CFAP97D2: variants seen among roughly 807,000 people sequenced by gnomAD.
CFAP97D2 encodes uncharacterized protein CFAP97D2.
chr13:114,182,613 T>C (rs7317060), intron 1 of CFAP97D2, among the ~76,000 whole-genome samples: 96,222 of 150,874 alleles, frequency 0.64, 31,949 homozygotes, highest in African/African-American at 0.85. Context: ...TGCGGCTTTC[T>C]GCAGTGCATT....
rs1245922454 is a variant in CFAP97D2 at position 114,207,507 on chromosome 13, C to G, written c.291-4405C>G. Among the ~76,000 whole-genome samples, 1 of 152,106 alleles carries G rather than the reference C, an allele frequency of 6.6e-6. No individual in the cohort carries two copies. The highest frequency in any genetic ancestry group is 2.4e-5 in the African/African-American group (1 of 41,404). On this transcript the variant is annotated intron_variant, in intron 3 of 4. Transcript: ENST00000646158. The surrounding 1 kb of genome is among the most constrained non-coding windows in gnomAD (Gnocchi z 4.9). The stretch of plus-strand genomic sequence containing the variant: ...CATAAGGAACACGCAGCTTAGATCT[C>G]TCGAACGTGCAGTTCACAATAGGGT...
chr13:114,182,187 C>CTA (rs1215511149), intron 1 of CFAP97D2, among the ~76,000 whole-genome samples: 4 of 141,888 alleles, frequency 2.8e-5, no homozygotes, highest in African/African-American at 1.1e-4. Flanking sequence ...GCAAAAGAGT[C>CTA]TATGTCGTAA....
At chr13:114,216,342 C>G (rs2080993087) in intron 4 of CFAP97D2, among the ~76,000 whole-genome samples, 1 of 152,062 alleles carries the variant, frequency 6.6e-6, no homozygotes, top group South Asian at 2.1e-4. Flanking sequence ...GTACAATGTG[C>G]AGGTTTGTTA....
In CFAP97D2 at chr13:114,207,009, C is replaced by G. The variant is rs879067441; in HGVS notation, c.291-4903C>G. On this transcript the variant is annotated intron_variant, in intron 3 of 4. Coordinates refer to ENST00000646158, the Ensembl canonical transcript of CFAP97D2. The surrounding 1 kb of genome is among the most constrained non-coding windows in gnomAD (Gnocchi z 4.9). Reference sequence around the variant, plus strand: ...TTGAAATGCCAACAAAAAGGGACCCCTCCCAGACCCAGTGCAATTCCTGAG... The same window carrying G: ...TTGAAATGCCAACAAAAAGGGACCCGTCCCAGACCCAGTGCAATTCCTGAG... 1.3e-5 allele frequency among the ~76,000 whole-genome samples: 2 copies of G among 152,198 alleles called. No individual in the cohort carries two copies. The highest frequency in any genetic ancestry group is 4.8e-5 in the African/African-American group (2 of 41,442).
At chr13:114,197,554 C>T (rs1416761779) in intron 2 of CFAP97D2, among the ~76,000 whole-genome samples, 2 of 152,176 alleles carry the variant, frequency 1.3e-5, no homozygotes, top group Non-Finnish European at 2.9e-5. Flanking sequence ...TTGTGGTTTA[C>T]ATGACCCATC....
At chr13:114,198,056 C>T (rs1249105248) in intron 2 of CFAP97D2, among the ~76,000 whole-genome samples, 1 of 152,220 alleles carries the variant, frequency 6.6e-6, no homozygotes, top group South Asian at 2.1e-4. Context: ...GGCACGATCT[C>T]GGCTCACTGC....
rs530687158 is a variant in CFAP97D2 at position 114,186,952 on chromosome 13, C to T, written c.90+7532C>T. Among the ~76,000 whole-genome samples the T allele has an allele frequency of 6.6e-6, 1 of 152,322 alleles. No individual in the cohort carries two copies. Among genetic ancestry groups the T allele is most frequent in the South Asian group, 2.1e-4 (1 of 4,826 alleles). On this transcript the variant is annotated intron_variant, in intron 1 of 4. Transcript: ENST00000646158. The surrounding 1 kb of genome is among the most constrained non-coding windows in gnomAD (Gnocchi z 4.3). Reference sequence around the variant, plus strand: ...CCCAGTGGGCCCGAGCAAAATTCGGCAAAGGTGCCACCAGCCACAGAGGTT... The same window carrying T: ...CCCAGTGGGCCCGAGCAAAATTCGGTAAAGGTGCCACCAGCCACAGAGGTT...
rs891331593 is a variant in CFAP97D2, at chr13:114,222,339, A to G, written c.481-159A>G. On this transcript the variant is annotated intron_variant, in intron 4 of 4. Transcript: ENST00000646158. The surrounding 1 kb of genome is among the most constrained non-coding windows in gnomAD (Gnocchi z 4.4). Reference sequence around the variant, plus strand: ...TAAAATATACACTATAAAGGGGTATAGAATTGTATCTAAATAAAGCTGTTA... The same window carrying G: ...TAAAATATACACTATAAAGGGGTATGGAATTGTATCTAAATAAAGCTGTTA... Among the ~76,000 whole-genome samples, 13 of 152,386 alleles carry G rather than the reference A, an allele frequency of 8.5e-5. 1 individual carries two copies. Among genetic ancestry groups the G allele is most frequent in the African/African-American group, 3.1e-4 (13 of 41,594 alleles).
Position 114,201,767 on chromosome 13 carries a change from G to A in CFAP97D2, c.290+1324G>A, listed in dbSNP as rs2080919027. ...CTTCTGGAGCACTGCAGACCAGTTG[G>A]TTGATGGAATAAACATATCTAGCTA... On this transcript the variant is annotated intron_variant, in intron 3 of 4. Transcript: ENST00000646158. Among the ~76,000 whole-genome samples, 5 of 152,318 alleles carry A rather than the reference G, an allele frequency of 3.3e-5. No homozygotes were observed. The South Asian group carries it at 6.2e-4, about 19-fold the overall frequency.
chr13:114,220,228 C>A (rs1018520414), intron 4 of CFAP97D2, among the ~76,000 whole-genome samples: 2 of 152,062 alleles, frequency 1.3e-5, no homozygotes, highest in East Asian at 1.9e-4. Flanking sequence ...AGCTGCCAGA[C>A]CTTTGGGATC....
At chr13:114,195,548 G>A (rs533439306) in intron 1 of CFAP97D2, among the ~76,000 whole-genome samples, 2 of 152,326 alleles carry the variant, frequency 1.3e-5, no homozygotes, top group African/African-American at 4.8e-5. Context: ...ATAAAGGAAT[G>A]TCTAGAATAT....
In CFAP97D2 at chr13:114,186,049, C is replaced by T. The variant is rs1291863875; in HGVS notation, c.90+6629C>T. Among the ~76,000 whole-genome samples, 3 of 152,220 alleles carry T rather than the reference C, an allele frequency of 2.0e-5. No individual in the cohort carries two copies. The highest frequency in any genetic ancestry group is 6.5e-5 in the Admixed American group (1 of 15,294). Reference sequence around the variant, plus strand: ...CCATGGCCACCCATGGACCAATCAGCATGCACTTCCTCCACACTGAGGCCC... The same window carrying T: ...CCATGGCCACCCATGGACCAATCAGTATGCACTTCCTCCACACTGAGGCCC... On this transcript the variant is annotated intron_variant, in intron 1 of 4. Coordinates refer to ENST00000646158, the Ensembl canonical transcript of CFAP97D2. The surrounding 1 kb of genome is among the most constrained non-coding windows in gnomAD (Gnocchi z 4.3).
intron 1 of CFAP97D2, among the ~76,000 whole-genome samples, chr13:114,182,278 A>G (rs182593406): frequency 4.6e-5 from 7 of 151,928 alleles, no homozygotes; most frequent in Admixed American, 3.9e-4. Flanking sequence ...ATCTCAGTGG[A>G]GTAAAGAATA....
chr13:114,199,230 G>A (rs1300992073), intron 2 of CFAP97D2, among the ~76,000 whole-genome samples: 1 of 19,068 alleles, frequency 5.2e-5, no homozygotes, highest in East Asian at 2.2e-3. Flanking sequence ...GTGACGGCGC[G>A]TCCCCGTGGG....
Position 114,183,570 on chromosome 13 carries a change from G to A in CFAP97D2, c.90+4150G>A, listed in dbSNP as rs148352473. ...CAGATTTGGTGTCTGATGAGGTCAC[G>A]CTCTGCTTCCAAGATTGCTCCTTGT... On this transcript the variant is annotated intron_variant, in intron 1 of 4. Transcript: ENST00000646158. 1.1e-3 allele frequency among the ~76,000 whole-genome samples: 171 copies of A among 152,232 alleles called. 1 individual carries two copies. Among genetic ancestry groups the A allele is most frequent in the Admixed American group, 8.6e-3 (132 of 15,292 alleles).
intron 1 of CFAP97D2, among the ~76,000 whole-genome samples, chr13:114,195,951 C>T (rs535874905): frequency 1.3e-5 from 2 of 150,674 alleles, no homozygotes; most frequent in Non-Finnish European, 3.0e-5. Context: ...GGCATGGTGG[C>T]GGGCGCCTGT....
intron 1 of CFAP97D2, among the ~76,000 whole-genome samples, chr13:114,182,488 T>A (rs1034921247): frequency 6.6e-6 from 1 of 151,772 alleles, no homozygotes; most frequent in African/African-American, 2.4e-5. Context: ...ACAGACCCTT[T>A]ACCGGTGTCG....
Position 114,222,276 on chromosome 13 carries a change from G to A in CFAP97D2, c.481-222G>A, listed in dbSNP as rs9562160. ...TGAAGATGTTCTGAAATTATATTGT[G>A]ACAATAGTTGCACAACTCTGAATAT... On this transcript the variant is annotated intron_variant, in intron 4 of 4. Transcript: ENST00000646158. This position sits in a 1 kb window ranked among gnomAD's most constrained non-coding sequence, Gnocchi z 4.4. Among the ~76,000 whole-genome samples, 40,832 of 151,934 alleles carry A rather than the reference G, an allele frequency of 0.27. 5,977 individuals carry two copies. The highest frequency in any genetic ancestry group is 0.4 in the African/African-American group (16,373 of 41,402).
At chr13:114,198,653 GTTTAC>G (rs1398902938) in intron 2 of CFAP97D2, among the ~76,000 whole-genome samples, 8 of 147,360 alleles carry the variant, frequency 5.4e-5, no homozygotes, top group African/African-American at 7.6e-5. Context: ...GCGTCCCCGT[GTTTAC>G]GGTCCCCGCT....
Sources: gnomAD v4.1 joint callset for allele counts (sites outside exome capture counted in the v4.1 genomes callset) on GRCh38, gnomAD v4.1.1 for gene constraint, Gnocchi (gnomAD v3.1) non-coding constraint, MANE v1.5 for transcripts, NCBI Gene and HGNC (gene_info 2026-07-23, HGNC 2026-07-21) for gene names.